Variants in FANCA observed in about 807,000 individuals in gnomAD.
FANCA encodes FA complementation group A.
A neutral mutation model predicts 194.3 loss-of-function variants in FANCA; 236 were observed. The ratio of observed to expected loss-of-function variants is 1.21; its 90% CI spans 1.09 to 1.35. The LOEUF (loss-of-function observed/expected upper bound fraction) is 1.35, where lower values mean the gene tolerates loss of function less well. Among genes scored for constraint, FANCA ranks in the 40% most tolerant of loss-of-function variants. The pLI is 0.00. For synonymous variants in FANCA, 1,014 were observed against 715.8 expected, an observed-to-expected ratio of 1.42 and a Z score of -6.65; for missense variants, 2,628 against 1,813.9, an observed-to-expected ratio of 1.45 and a Z score of -8.15.
chr16:89,798,715 T>C, intron 10 of FANCA: 1 of 1,322,942 alleles, frequency 7.6e-7, no homozygotes, highest in Non-Finnish European at 9.7e-7. Flanking sequence ...AAGCTTTGCC[T>C]ACTGGTGAAT....
Position 89,744,978 on chromosome 16 carries a change from C to G in FANCA, c.3607G>C (p.Gly1203Arg). 6.2e-7 allele frequency: 1 copy of G among 1,611,772 alleles called. No individual in the cohort carries two copies. The highest frequency in any genetic ancestry group is 2.2e-5 in the East Asian group (1 of 44,878). Reference sequence around the variant, plus strand: ...ACGTACTCGCTGGCAAACTGCCGGCCTTCTTGTAGCTTCTGCAGTTCCCGG... The same window carrying G: ...ACGTACTCGCTGGCAAACTGCCGGCGTTCTTGTAGCTTCTGCAGTTCCCGG... ...LPRELQKLQE[G>R]RQFASDFLSP... The change falls in exon 36 of 43, where the codon GGC (glycine) becomes CGC (arginine). Residue 1203 changes from glycine to arginine, a missense_variant. Physicochemically the swap from Gly to Arg is moderately radical, Grantham distance 125. Transcript: ENST00000389301.
At chr16:89,781,878 G>A (rs116177732) in intron 17 of FANCA, among the ~76,000 whole-genome samples, 206 of 134,118 alleles carry the variant, frequency 1.5e-3, no homozygotes, top group African/African-American at 6.0e-3. Context: ...GCAGGCATCT[G>A]TAGGCCCACT....
chr16:89,745,144 A>T, intron 35 of FANCA, 73 bp from the exon 36 acceptor site: 1 of 1,402,252 alleles, frequency 7.1e-7, no homozygotes, highest in South Asian at 1.2e-5. Flanking sequence ...AGCCATGACA[A>T]GCCCCCAGTG....
chr16:89,770,380 T>C (rs2039282823), intron 24 of FANCA, 121 bp from the exon 25 acceptor site: 3 of 1,074,204 alleles, frequency 2.8e-6, no homozygotes, highest in African/African-American at 1.6e-5. Context: ...ACAGTGGTCT[T>C]TCTGGAAGAC....
At chr16:89,814,893 A>G (rs2041042100) in intron 2 of FANCA, among the ~76,000 whole-genome samples, 1 of 152,068 alleles carries the variant, frequency 6.6e-6, no homozygotes, top group Non-Finnish European at 1.5e-5. Flanking sequence ...GTGAGCCGAG[A>G]TCACCCCACT....
At chr16:89,763,301 C>A (rs1248224692) in intron 28 of FANCA, among the ~76,000 whole-genome samples, 2 of 152,004 alleles carry the variant, frequency 1.3e-5, no homozygotes, top group Middle Eastern at 3.2e-3. Context: ...AAAGGCTTGG[C>A]ACAGTGGCTC....
At chr16:89,779,795 C>T (rs1195618157) in intron 18 of FANCA, 74 bp downstream of exon 18, 21 of 1,249,522 alleles carry the variant, frequency 1.7e-5, no homozygotes, top group South Asian at 8.4e-5. Context: ...GCAGAGTCTG[C>T]ACATACTGCA....
chr16:89,760,085 T>C (rs891064678), intron 29 of FANCA, among the ~76,000 whole-genome samples: 1 of 152,204 alleles, frequency 6.6e-6, no homozygotes, highest in African/African-American at 2.4e-5. Context: ...ACTTAAGTAA[T>C]TCAGAAAAGA....
rs552770234 is a variant in FANCA at position 89,814,643 on chromosome 16, T to C, written c.190-30A>G. 7 of 1,563,446 alleles carry C rather than the reference T, an allele frequency of 4.5e-6. No homozygotes were observed. The Admixed American group carries it at 1.0e-4, about 22-fold the overall frequency. On this transcript the variant is annotated intron_variant, in intron 2 of 42. Coordinates refer to ENST00000389301, the MANE Select transcript of FANCA (RefSeq NM_000135.4). ...AATCCAAAACACAACAAACTCCATT[T>C]AAAAAATTCAAGCTCCAGGCCAGGC...
At position 89,739,204 on chromosome 16, in the gene FANCA, G is replaced by A. The variant is rs1336834251; in HGVS notation, c.4096C>T (p.Gln1366Ter). 1.9e-6 allele frequency: 3 copies of A among 1,614,158 alleles called. No homozygotes were observed. The highest frequency in any genetic ancestry group is 1.7e-6 in the Non-Finnish European group (2 of 1,180,042). The change falls in exon 41 of 43, where the codon CAG becomes TAG. Residue 1366 changes from glutamine to a stop codon, truncating the protein, a stop_gained. Transcript: ENST00000389301. LOFTEE classifies it high-confidence loss of function. Reference protein sequence around the residue: ...VAVDMYLKLVQLFVAGDTSTV... With the variant: ...VAVDMYLKLV ...CTTGTATCCCCAGCCACGAAGAGCT[G>A]GACCAGCTTCAAGTACATGTCCACA...
rs2039494755 is a variant in FANCA at position 89,776,153 on chromosome 16, GTTTTTC to G, written c.1827-344_1827-339del. ...TTCCAAATTCAAAACACGAATCTTT[GTTTTTC>G]TTTTTTTTTTTTTTTTTTTTTTTTT... On this transcript the variant is annotated intron_variant, in intron 20 of 42. Transcript: ENST00000389301. 4.7e-4 allele frequency among the ~76,000 whole-genome samples: 43 copies of G among 91,798 alleles called. No homozygotes were observed. In the South Asian group the frequency reaches 0.013, roughly 27 times the overall value. The allele number at this position is 91,798 out of a possible 152,430, so 60.2% of individuals were successfully genotyped here.
At chr16:89,773,051 C>T (rs1166088347) in intron 22 of FANCA, among the ~76,000 whole-genome samples, 1 of 152,164 alleles carries the variant, frequency 6.6e-6, no homozygotes, top group Non-Finnish European at 1.5e-5. Context: ...GCCGAATATT[C>T]ACCTTCTGCC....
chr16:89,800,769 G>C (rs889696532), intron 8 of FANCA, among the ~76,000 whole-genome samples: 1 of 152,190 alleles, frequency 6.6e-6, no homozygotes, highest in Non-Finnish European at 1.5e-5. Flanking sequence ...TGTGGCCCAC[G>C]CCTGTAATCC....
At chr16:89,785,236 G>C (rs1302362588) in intron 14 of FANCA, among the ~76,000 whole-genome samples, 1 of 152,226 alleles carries the variant, frequency 6.6e-6, no homozygotes, top group African/African-American at 2.4e-5. Flanking sequence ...ACTGCGCTTT[G>C]ACTGAAGAGA....
chr16:89,767,965 G>A (rs757414807), intron 26 of FANCA, among the ~76,000 whole-genome samples: 1 of 152,066 alleles, frequency 6.6e-6, no homozygotes, highest in Non-Finnish European at 1.5e-5. Context: ...GGATTACAGC[G>A]TTAGCCACCG....
chr16:89,791,267 G>C, intron 14 of FANCA, 136 bp downstream of exon 14: 1 of 1,216,146 alleles, frequency 8.2e-7, no homozygotes, highest in Non-Finnish European at 1.2e-6. Flanking sequence ...AGGAAGATCT[G>C]CCAAGGCCAC....
Position 89,769,855 on chromosome 16 carries a change from G to C in FANCA, c.2486C>G (p.Ser829Cys). 4 of 1,614,130 alleles carry C rather than the reference G, an allele frequency of 2.5e-6. No individual in the cohort carries two copies. Among genetic ancestry groups the C allele is most frequent in the Non-Finnish European group, 3.4e-6 (4 of 1,180,030 alleles). Residue 829 changes from serine (S) to cysteine (C), a missense_variant, in exon 26 of 43, where the codon TCC becomes TGC. Coordinates refer to ENST00000389301, the MANE Select transcript of FANCA (RefSeq NM_000135.4). ...AGCTCACTTCAGGCAGAAGAACAAG[G>C]AATCCCTCGTCCTACAGGTCAGGAG... ...DSLLTCRTRD[S>C]LFFCLKFCTA...
At chr16:89,766,689 T>C (rs8061447) in intron 27 of FANCA, among the ~76,000 whole-genome samples, 63,369 of 150,724 alleles carry the variant, frequency 0.42, 14,603 homozygotes, top group East Asian at 0.76. Context: ...CACTCCAGCC[T>C]GGGCGACAGA....
chr16:89,764,184 G>T (rs780682108), intron 28 of FANCA, among the ~76,000 whole-genome samples: 4 of 152,222 alleles, frequency 2.6e-5, no homozygotes, highest in Non-Finnish European at 5.9e-5. Context: ...AGAGGCTGCA[G>T]TGAGCCAAGA....
Sources: gnomAD v4.1 joint callset for allele counts (sites outside exome capture counted in the v4.1 genomes callset) on GRCh38, gnomAD v4.1.1 for gene constraint, MANE v1.5 for transcripts, NCBI Gene and HGNC (gene_info 2026-07-23, HGNC 2026-07-21) for gene names.